Variants in MIA2 observed in about 807,000 individuals in gnomAD.
The protein encoded by MIA2 is MIA SH3 domain ER export factor 2.
A neutral mutation model predicts 167.8 loss-of-function variants in MIA2; 127 were observed. The ratio of observed to expected loss-of-function variants is 0.76; its 90% CI spans 0.66 to 0.88. The LOEUF (loss-of-function observed/expected upper bound fraction) is 0.88. Ranked by LOEUF, MIA2 falls within the 40% of genes least tolerant of loss-of-function variation. MIA2 has a pLI of 0.00. For missense variants in MIA2, 1,690 were observed against 1,624.7 expected (o/e 1.04, Z -0.69); for synonymous variants, 552 against 541.9 (o/e 1.02, Z -0.26).
chr14:39,308,209 A>G (rs1254293504), intron 17 of MIA2, among the ~76,000 whole-genome samples: 1 of 152,162 alleles, frequency 6.6e-6, no homozygotes, highest in African/African-American at 2.4e-5. Context: ...ATTATTACAC[A>G]TCGAATACCT....
chr14:39,352,734 T>G (rs897009650), downstream of MIA2, among the ~76,000 whole-genome samples: 1 of 152,206 alleles, frequency 6.6e-6, no homozygotes, highest in African/African-American at 2.4e-5. Context: ...ATTTTTAAAT[T>G]ACATTTTTAA....
At chr14:39,361,785 G>A (rs1297887597) in intron 23 of MIA2, among the ~76,000 whole-genome samples, 3 of 152,078 alleles carry the variant, frequency 2.0e-5, no homozygotes, top group Non-Finnish European at 4.4e-5. Context: ...TCTTGTTCCA[G>A]TTCTTAGAGG....
intron 9 of MIA2, among the ~76,000 whole-genome samples, chr14:39,284,340 C>T (rs961845976): frequency 6.6e-6 from 1 of 151,940 alleles, no homozygotes; most frequent in African/African-American, 2.4e-5. Flanking sequence ...TTCTTGGTGC[C>T]CTATTGAAAA....
chr14:39,254,886 G>C (rs1234265564), intron 6 of MIA2, among the ~76,000 whole-genome samples: 2 of 152,178 alleles, frequency 1.3e-5, no homozygotes, highest in East Asian at 3.8e-4. Context: ...TAGATCTTTT[G>C]TAGACAGAAT....
intron 24 of MIA2, among the ~76,000 whole-genome samples, chr14:39,321,905 C>T (rs1428235952): frequency 6.6e-6 from 1 of 151,816 alleles, no homozygotes; most frequent in Non-Finnish European, 1.5e-5. Context: ...GGATTACAGG[C>T]ACATGCCACC....
At chr14:39,278,604 A>C (rs1202535887) in intron 7 of MIA2, among the ~76,000 whole-genome samples, 2 of 152,210 alleles carry the variant, frequency 1.3e-5, no homozygotes, top group Non-Finnish European at 2.9e-5. Context: ...AGAGAGGTTA[A>C]GGAAGAAAAA....
intron 6 of MIA2, among the ~76,000 whole-genome samples, chr14:39,257,251 T>C (rs2054860120): frequency 6.6e-6 from 1 of 152,198 alleles, no homozygotes; most frequent in African/African-American, 2.4e-5. Flanking sequence ...AGAACTTGCT[T>C]TATGAATCTG....
intron 25 of MIA2, among the ~76,000 whole-genome samples, chr14:39,332,791 A>G (rs1184402867): frequency 2.0e-5 from 3 of 152,014 alleles, no homozygotes; most frequent in African/African-American, 7.3e-5. Flanking sequence ...CAGGTACCTC[A>G]GTTGGAAATG....
At chr14:39,288,455 A>ATTTTT (rs1566747448) in intron 9 of MIA2, among the ~76,000 whole-genome samples, 3 of 15,780 alleles carry the variant, frequency 1.9e-4, no homozygotes, top group African/African-American at 3.2e-4. Context: ...ATATATATAT[A>ATTTTT]TATATATATA....
chr14:39,274,456 TCTCA>T (rs1485666634), intron 6 of MIA2, among the ~76,000 whole-genome samples: 2 of 147,124 alleles, frequency 1.4e-5, no homozygotes, highest in African/African-American at 2.5e-5. Flanking sequence ...TGAGATGGAG[TCTCA>T]CTCTGTCACC....
intron 9 of MIA2, among the ~76,000 whole-genome samples, chr14:39,288,154 A>G (rs1178920363): frequency 6.6e-6 from 1 of 151,912 alleles, no homozygotes; most frequent in Non-Finnish European, 1.5e-5. Flanking sequence ...TAAACTGTTA[A>G]GGGTTTTTAT....
chr14:39,374,808 A>G (rs1174987286), intron 23 of MIA2, among the ~76,000 whole-genome samples: 1 of 152,242 alleles, frequency 6.6e-6, no homozygotes, highest in Non-Finnish European at 1.5e-5. Context: ...TGTTAGTAAT[A>G]TGAGAAACTC....
chr14:39,247,331 A>G lies in MIA2; in HGVS notation c.757A>G (p.Ser253Gly). Residue 253 changes from serine (S) to glycine (G), a missense_variant, in exon 4 of 29, where the codon AGT (serine) becomes GGT (glycine). Physicochemically the swap from Ser to Gly is moderately conservative, Grantham distance 56. Transcript: ENST00000640607. The stretch of plus-strand genomic sequence containing the variant: ...ACCTGTACAAGAAAGCTCATTTCGG[A>G]GTAGAAAAATAGCAGTGGAAGATGA... ...IEPVQESSFR[S>G]RKIAVEDEND... The G allele has an allele frequency of 6.2e-7, 1 of 1,614,120 alleles. No individual in the cohort carries two copies. The highest frequency in any genetic ancestry group is 8.5e-7 in the Non-Finnish European group (1 of 1,180,020).
At chr14:39,370,859 C>CT (rs2074927395) in intron 23 of MIA2, 1 of 152,470 alleles carries the variant, frequency 6.6e-6, no homozygotes, top group African/African-American at 2.4e-5. Flanking sequence ...AAATAGAAAA[C>CT]TAACACGTGG....
At chr14:39,312,060 C>A (rs2064406520) in intron 18 of MIA2, among the ~76,000 whole-genome samples, 1 of 151,678 alleles carries the variant, frequency 6.6e-6, no homozygotes, top group Non-Finnish European at 1.5e-5. Flanking sequence ...GAACTCCTGA[C>A]CTCATGATCT....
chr14:39,332,302 T>TA (rs1430712593), intron 25 of MIA2, among the ~76,000 whole-genome samples: 59 of 152,356 alleles, frequency 3.9e-4, no homozygotes, highest in Admixed American at 3.7e-3. Flanking sequence ...TCAGGTCATT[T>TA]ATGTTCTTCT....
chr14:39,364,102 G>A (rs2074762553), intron 23 of MIA2, among the ~76,000 whole-genome samples: 1 of 152,160 alleles, frequency 6.6e-6, no homozygotes, highest in Non-Finnish European at 1.5e-5. Flanking sequence ...GCTTATGCCT[G>A]TAATCCCAGC....
chr14:39,331,691 G>A (rs1020185166), intron 25 of MIA2, among the ~76,000 whole-genome samples: 1 of 152,096 alleles, frequency 6.6e-6, no homozygotes, highest in African/African-American at 2.4e-5. Context: ...TTCTGTAAAG[G>A]ATTTTATTTT....
chr14:39,361,590 C>T (rs1282132520), intron 23 of MIA2, among the ~76,000 whole-genome samples: 1 of 152,080 alleles, frequency 6.6e-6, no homozygotes, highest in African/African-American at 2.4e-5. Context: ...AGATGTGTGC[C>T]ACCACGCCTG....
Sources: allele counts gnomAD v4.1 joint callset (sites outside exome capture counted in the v4.1 genomes callset), GRCh38; gene constraint gnomAD v4.1.1; transcripts MANE v1.5; gene names NCBI Gene and HGNC (gene_info 2026-07-23, HGNC 2026-07-21).